The following SLC25A48 variants were observed in gnomAD, a reference collection of about 807,000 sequenced individuals.
SLC25A48 encodes CTC-321K16.1.
Under a neutral mutation model 32.2 loss-of-function variants are expected in SLC25A48, and 29 were observed. The ratio of observed to expected loss-of-function variants is 0.90; its 90% CI spans 0.67 to 1.23. SLC25A48 has a LOEUF of 1.23. Among genes scored for constraint, SLC25A48 ranks in the 50% most tolerant of loss-of-function variants. The probability of loss-of-function intolerance (pLI) is 0.00; values close to 1 mark genes in which losing one functional copy is unlikely to be tolerated. For missense variants in SLC25A48, 399 were observed against 422.7 expected, an observed-to-expected ratio of 0.94 and a Z score of 0.49; for synonymous variants, 164 against 172.3, an observed-to-expected ratio of 0.95 and a Z score of 0.38.
intron 3 of SLC25A48, among the ~76,000 whole-genome samples, chr5:135,683,023 C>T (rs193037356): frequency 2.0e-5 from 3 of 152,268 alleles, no homozygotes; most frequent in Admixed American, 1.3e-4. Context: ...GCTGTTTCTA[C>T]GATCTGAATC....
At chr5:135,759,892 C>T (rs989654789) in intron 3 of SLC25A48, among the ~76,000 whole-genome samples, 1 of 149,376 alleles carries the variant, frequency 6.7e-6, no homozygotes, top group Non-Finnish European at 1.5e-5. Flanking sequence ...TGCAATGGCA[C>T]GATCTCAGCT....
chr5:135,776,504 G>C (rs185134943), intron 3 of SLC25A48, among the ~76,000 whole-genome samples: 1 of 151,830 alleles, frequency 6.6e-6, no homozygotes, highest in Non-Finnish European at 1.5e-5. Flanking sequence ...TAATATCCAG[G>C]GGGGAAGAAG....
intron 3 of SLC25A48, among the ~76,000 whole-genome samples, chr5:135,757,847 T>A (rs73789138): frequency 0.043 from 6,468 of 150,474 alleles, 282 homozygotes; most frequent in African/African-American, 0.11. Context: ...TAATAGCTAG[T>A]GTTAACTCAC....
chr5:135,884,336 A>G (rs1251971976), intron 7 of SLC25A48, among the ~76,000 whole-genome samples: 1 of 152,146 alleles, frequency 6.6e-6, no homozygotes, highest in Non-Finnish European at 1.5e-5. Context: ...GGAGGGTTCC[A>G]TGCTTGAAAT....
At chr5:135,769,056 T>A (rs1756327075) in intron 3 of SLC25A48, among the ~76,000 whole-genome samples, 1 of 151,752 alleles carries the variant, frequency 6.6e-6, no homozygotes, top group Non-Finnish European at 1.5e-5. Context: ...AGGATAATAT[T>A]ACTCCCAGTA....
At chr5:135,791,345 T>A (rs2126633157) in intron 3 of SLC25A48, among the ~76,000 whole-genome samples, 1 of 152,026 alleles carries the variant, frequency 6.6e-6, no homozygotes, top group African/African-American at 2.4e-5. Context: ...TGTGATATTA[T>A]TTGTTATATT....
chr5:135,848,543 C>T (rs966747508), intron 2 of SLC25A48, among the ~76,000 whole-genome samples: 2 of 152,224 alleles, frequency 1.3e-5, no homozygotes, highest in Non-Finnish European at 2.9e-5. Flanking sequence ...CTTCTTATCA[C>T]CCAGCTCTTC....
intron 3 of SLC25A48, among the ~76,000 whole-genome samples, chr5:135,684,914 A>G (rs781301829): frequency 6.6e-5 from 10 of 152,080 alleles, no homozygotes; most frequent in Admixed American, 1.3e-4. Flanking sequence ...TTATCTCTTC[A>G]TAGACATGCA....
chr5:135,676,092 G>A (rs138309382), intron 3 of SLC25A48, among the ~76,000 whole-genome samples: 66 of 151,920 alleles, frequency 4.3e-4, no homozygotes, highest in African/African-American at 1.5e-3. Flanking sequence ...ACATCTAAGA[G>A]TTTTTTGGTG....
chr5:135,659,802 G>C (rs1753348576), intron 3 of SLC25A48, among the ~76,000 whole-genome samples: 1 of 152,220 alleles, frequency 6.6e-6, no homozygotes, highest in Non-Finnish European at 1.5e-5. Flanking sequence ...GCAGGAGAGA[G>C]AGAAAGTAAA....
intron 3 of SLC25A48, among the ~76,000 whole-genome samples, chr5:135,754,721 T>C (rs979278366): frequency 6.6e-6 from 1 of 152,066 alleles, no homozygotes; most frequent in Admixed American, 6.6e-5. Context: ...GTTTACACAC[T>C]GTGATATTAA....
At chr5:135,812,701 G>C (rs1757618390) in exon 4 of SLC25A48, 1 of 152,270 alleles carries the variant, frequency 6.6e-6, no homozygotes, top group Admixed American at 6.5e-5. Flanking sequence ...AGGGCTCCTG[G>C]AGGAGGAGAT....
chr5:135,749,051 C>T (rs1477730213), intron 3 of SLC25A48, among the ~76,000 whole-genome samples: 1 of 152,116 alleles, frequency 6.6e-6, no homozygotes, highest in African/African-American at 2.4e-5. Context: ...CCATTTTGTT[C>T]TTCCTTCCTG....
Position 135,856,647 on chromosome 5 carries a change from A to C in SLC25A48, c.421+3826A>C, listed in dbSNP as rs73287209. ...ACGCAGGAAAACAAATGGGGCCATCAGGGAGACACAGGGCCGGCAGTTCTT... is the reference window on the plus strand; with the variant it reads ...ACGCAGGAAAACAAATGGGGCCATCCGGGAGACACAGGGCCGGCAGTTCTT... On this transcript the variant is annotated intron_variant, in intron 4 of 7. Coordinates refer to ENST00000681962, the MANE Select transcript of SLC25A48 (RefSeq NM_001349336.2). 1.8e-3 allele frequency among the ~76,000 whole-genome samples: 277 copies of C among 152,346 alleles called. 1 individual carries two copies. The highest frequency in any genetic ancestry group is 6.3e-3 in the African/African-American group (263 of 41,586).
chr5:135,690,402 C>T (rs1270184850), intron 3 of SLC25A48, among the ~76,000 whole-genome samples: 5 of 152,100 alleles, frequency 3.3e-5, no homozygotes, highest in African/African-American at 7.2e-5. Flanking sequence ...TGAAGGTAAG[C>T]GTGCTCCAGA....
chr5:135,663,347 G>T (rs1344461030), intron 3 of SLC25A48, among the ~76,000 whole-genome samples: 1 of 152,108 alleles, frequency 6.6e-6, no homozygotes, highest in East Asian at 1.9e-4. Flanking sequence ...TTTGTTGAGG[G>T]AGCCGTTTTG....
chr5:135,644,708 T>A (rs1019997776), intron 3 of SLC25A48, among the ~76,000 whole-genome samples: 2 of 152,158 alleles, frequency 1.3e-5, no homozygotes, highest in Non-Finnish European at 2.9e-5. Flanking sequence ...AAAGCCATGC[T>A]CTTTGCACAA....
intron 1 of SLC25A48, among the ~76,000 whole-genome samples, chr5:135,604,738 A>G (rs1475543420): frequency 6.6e-6 from 1 of 152,236 alleles, no homozygotes; most frequent in Non-Finnish European, 1.5e-5. Flanking sequence ...CCTCAATCAC[A>G]GGAGACCAAA....
chr5:135,649,797 C>T (rs1228358821), intron 3 of SLC25A48: 1 of 153,246 alleles, frequency 6.5e-6, no homozygotes, highest in Non-Finnish European at 1.5e-5. Context: ...TAGGGGGTGG[C>T]TTTGGGGTTA....
Sources: allele counts gnomAD v4.1 joint callset (sites outside exome capture counted in the v4.1 genomes callset), GRCh38; gene constraint gnomAD v4.1.1; transcripts MANE v1.5; gene names NCBI Gene and HGNC (gene_info 2026-07-23, HGNC 2026-07-21).